SHROOM4: variants seen among roughly 807,000 people sequenced by gnomAD.
SHROOM4 encodes the protein protein Shroom4.
SHROOM4 carries 17 observed loss-of-function variants against 80.3 expected under a neutral mutation model. That is an observed-to-expected ratio of 0.21 (90% CI 0.14 to 0.32). The LOEUF is 0.32. Ranked by LOEUF, SHROOM4 falls within the 10% of genes least tolerant of loss-of-function variation. The probability of loss-of-function intolerance (pLI) is 1.00; values close to 1 mark genes in which losing one functional copy is unlikely to be tolerated. For missense variants in SHROOM4, 993 were observed against 1,140.3 expected (o/e 0.87, Z 1.86); for synonymous variants, 400 against 437.5 (o/e 0.91, Z 1.07).
At chrX:50,810,872 C>A (rs1474236259) in intron 1 of SHROOM4, among the ~76,000 whole-genome samples, 1 of 112,198 alleles carries the variant, frequency 8.9e-6, no homozygotes, top group Non-Finnish European at 1.9e-5. Context: ...TTCCTGACTG[C>A]CTCACAGTGT....
chrX:50,628,306 G>T, intron 4 of SHROOM4, among the ~76,000 whole-genome samples: 1 of 111,055 alleles, frequency 9.0e-6, no homozygotes, highest in East Asian at 2.9e-4. Context: ...CATTACAGGA[G>T]CAGACTCTCT....
In SHROOM4 at chrX:50,635,553, G is replaced by T; in HGVS notation, c.520C>A (p.Leu174Met). 1 of 1,210,915 alleles carries T rather than the reference G, an allele frequency of 8.3e-7. No individual in the cohort carries two copies. The highest frequency in any genetic ancestry group is 1.1e-6 in the Non-Finnish European group (1 of 895,314). Residue 174 changes from leucine to methionine, a missense_variant, in exon 4 of 9, where the codon CTG (leucine) becomes ATG (methionine). Transcript: ENST00000376020. ...TACATGTTCTGGTCAATAGGCAACA[G>T]ATGGCTCTCATAGGTGGCTTGGCCT... is the stretch of plus-strand genomic sequence containing the variant. ...QPGQATYESH[L>M]LPIDQNMYPN... is the part of the protein sequence containing the mutation.
At chrX:50,730,105 C>G (rs1051566640) in intron 1 of SHROOM4, among the ~76,000 whole-genome samples, 1 of 112,096 alleles carries the variant, frequency 8.9e-6, no homozygotes, top group South Asian at 3.7e-4. Context: ...GAATATATTT[C>G]TTTACCTTTT....
intron 5 of SHROOM4, among the ~76,000 whole-genome samples, chrX:50,612,572 G>A (rs1284199755): frequency 9.0e-6 from 1 of 111,230 alleles, no homozygotes; most frequent in Non-Finnish European, 1.9e-5. Context: ...AAACAGAACA[G>A]AAAAAGCAAA....
At chrX:50,809,371 T>C (rs1442135752) in intron 1 of SHROOM4, among the ~76,000 whole-genome samples, 1 of 112,378 alleles carries the variant, frequency 8.9e-6, no homozygotes, top group Non-Finnish European at 1.9e-5. Context: ...CTCAACTGCC[T>C]CTCTGTGTGC....
intron 1 of SHROOM4, among the ~76,000 whole-genome samples, chrX:50,785,161 T>C (rs1441374732): frequency 8.9e-6 from 1 of 111,748 alleles, no homozygotes; most frequent in African/African-American, 3.3e-5. Flanking sequence ...TCCTACAGTA[T>C]TGACTTAAGA....
chrX:50,674,343 C>T (rs1264115701), intron 2 of SHROOM4, among the ~76,000 whole-genome samples: 1 of 111,428 alleles, frequency 9.0e-6, no homozygotes, highest in Admixed American at 9.6e-5. Flanking sequence ...CTATAGCAGT[C>T]AAGACTGTAT....
intron 1 of SHROOM4, among the ~76,000 whole-genome samples, chrX:50,721,562 A>G (rs1304344834): frequency 1.8e-5 from 2 of 111,340 alleles, no homozygotes; most frequent in African/African-American, 6.6e-5. Context: ...TGGCTTCTTT[A>G]GTGCAACCTG....
chrX:50,771,906 C>T (rs1557269751), intron 1 of SHROOM4, among the ~76,000 whole-genome samples: 1 of 111,390 alleles, frequency 9.0e-6, no homozygotes, highest in African/African-American at 3.3e-5. Context: ...TACAGTGATA[C>T]CATTAAAGTG....
At chrX:50,579,573 C>T in the SHROOM4 span, among the ~76,000 whole-genome samples, 1 of 111,520 alleles carries the variant, frequency 9.0e-6, no homozygotes, top group South Asian at 3.8e-4. Flanking sequence ...CAGTGGAGTG[C>T]CAGGTCTCAA....
At chrX:50,722,854 C>A (rs1320379037) in intron 1 of SHROOM4, among the ~76,000 whole-genome samples, 1 of 110,824 alleles carries the variant, frequency 9.0e-6, no homozygotes, top group Non-Finnish European at 1.9e-5. Flanking sequence ...CTTGAGATAG[C>A]ATACATCAAT....
chrX:50,575,559 T>A, the SHROOM4 span, among the ~76,000 whole-genome samples: 2 of 111,239 alleles, frequency 1.8e-5, no homozygotes, highest in African/African-American at 6.5e-5. Flanking sequence ...ATTTTTCTAG[T>A]GTTATTGCGC....
chrX:50,813,986 G>A lies in SHROOM4; in HGVS notation c.33C>T (p.Val11=). The A allele has an allele frequency of 8.3e-7, 1 of 1,209,293 alleles. No individual in the cohort carries two copies. The highest frequency in any genetic ancestry group is 1.1e-6 in the Non-Finnish European group (1 of 894,176). The change falls in exon 1 of 9, where the codon GTC becomes GTT. Residue 11 remains valine, a synonymous_variant. Transcript: ENST00000376020. ...GTGCCCCCCCTTGCAGCTGCACAGG[G>A]ACGTACTGGAAGGACCCAGGCCGGT... MENRPGSFQY[V]PVQLQGGAPW...
chrX:50,749,882 A>G (rs1299700289), intron 1 of SHROOM4, among the ~76,000 whole-genome samples: 3 of 111,731 alleles, frequency 2.7e-5, no homozygotes, highest in African/African-American at 9.8e-5. Flanking sequence ...TGATGACCGC[A>G]GACTGGGCTG....
chrX:50,738,630 A>G (rs1171200327), intron 1 of SHROOM4, among the ~76,000 whole-genome samples: 1 of 111,413 alleles, frequency 9.0e-6, no homozygotes, highest in Non-Finnish European at 1.9e-5. Flanking sequence ...AAGGGATGTG[A>G]AGGACCTCTT....
downstream of SHROOM4, among the ~76,000 whole-genome samples, chrX:50,583,674 G>A (rs782282452): frequency 9.0e-5 from 10 of 111,230 alleles, no homozygotes; most frequent in Non-Finnish European, 1.9e-4. Context: ...TAGGAGGTGA[G>A]GGTGGCCTTT....
chrX:50,661,097 T>G (rs1046688040), intron 2 of SHROOM4, among the ~76,000 whole-genome samples: 7 of 111,678 alleles, frequency 6.3e-5, no homozygotes, highest in African/African-American at 2.3e-4. Flanking sequence ...TTTTCCCCAG[T>G]TTTTTTCTTT....
chrX:50,684,285 T>C (rs1407242957), intron 2 of SHROOM4, among the ~76,000 whole-genome samples: 1 of 110,435 alleles, frequency 9.1e-6, no homozygotes, highest in Non-Finnish European at 1.9e-5. Flanking sequence ...CATGTGAAGA[T>C]GGAGGCAGAG....
chrX:50,598,868 C>T (rs1278767165), intron 7 of SHROOM4, among the ~76,000 whole-genome samples: 2 of 111,107 alleles, frequency 1.8e-5, no homozygotes, highest in Non-Finnish European at 3.8e-5. Context: ...CTCTGTTGCC[C>T]AGGCTGGAGT....
Sources: allele counts gnomAD v4.1 joint callset (sites outside exome capture counted in the v4.1 genomes callset), GRCh38; gene constraint gnomAD v4.1.1; transcripts MANE v1.5; gene names NCBI Gene and HGNC (gene_info 2026-07-23, HGNC 2026-07-21).